Variants in KLHL1 observed in about 807,000 individuals in gnomAD.
KLHL1 encodes the protein kelch like family member 1, also known as kelch-like protein 1.
A neutral mutation model predicts 77.7 loss-of-function variants in KLHL1; 47 were observed. The observed-to-expected ratio is 0.60, with a 90% CI of 0.48 to 0.77. The LOEUF is 0.77. KLHL1 is among the 30% of genes least tolerant of loss of function. KLHL1 has a pLI of 0.00. For synonymous variants in KLHL1, 360 were observed against 325.2 expected (o/e 1.11, Z -1.15); for missense variants, 925 against 910.8 (o/e 1.02, Z -0.20).
rs367941599 is a variant in KLHL1 at position 69,917,371 on chromosome 13, A to G, written c.1014+22669T>C. Among the ~76,000 whole-genome samples the G allele has an allele frequency of 1.7e-4, 26 of 152,258 alleles. No individual in the cohort carries two copies. In the East Asian group the frequency reaches 3.7e-3, roughly 21 times the overall value. ...GAATTTTTAAAAATGTACAAAAGTAAGAAACTCCATATTACATTCACAATG... is the reference window on the plus strand; with the variant it reads ...GAATTTTTAAAAATGTACAAAAGTAGGAAACTCCATATTACATTCACAATG... On this transcript the variant is annotated intron_variant, in intron 4 of 10. Transcript: ENST00000377844.
chr13:69,765,873 C>A (rs1188609347), intron 7 of KLHL1, among the ~76,000 whole-genome samples: 1 of 152,204 alleles, frequency 6.6e-6, no homozygotes, highest in Non-Finnish European at 1.5e-5. Context: ...TTTTGCTCCA[C>A]AGAGGCTCAT....
At chr13:70,077,341 A>G (rs1887289189) in intron 1 of KLHL1, among the ~76,000 whole-genome samples, 1 of 151,936 alleles carries the variant, frequency 6.6e-6, no homozygotes. Context: ...ATACTGCTAA[A>G]TGAAATAAGC....
chr13:69,755,107 A>T (rs898023303), intron 7 of KLHL1, among the ~76,000 whole-genome samples: 1 of 151,998 alleles, frequency 6.6e-6, no homozygotes, highest in Admixed American at 6.6e-5. Context: ...GTGGGAAGTG[A>T]TTGGGTCATG....
intron 7 of KLHL1, among the ~76,000 whole-genome samples, chr13:69,791,143 A>T (rs1876854797): frequency 6.6e-6 from 1 of 152,094 alleles, no homozygotes; most frequent in African/African-American, 2.4e-5. Flanking sequence ...TCAGGATACA[A>T]GTTAAATATA....
chr13:70,062,011 A>G (rs537755049), intron 1 of KLHL1, among the ~76,000 whole-genome samples: 1 of 152,194 alleles, frequency 6.6e-6, no homozygotes, highest in East Asian at 1.9e-4. Context: ...AGCCATATTC[A>G]CCCTGCAGTG....
At chr13:69,832,095 C>A (rs1449446388) in intron 6 of KLHL1, among the ~76,000 whole-genome samples, 2 of 149,686 alleles carry the variant, frequency 1.3e-5, no homozygotes, top group African/African-American at 5.0e-5. Context: ...GACATCCTAG[C>A]CAGAACAATC....
chr13:69,708,333 G>T (rs922424123), intron 9 of KLHL1, among the ~76,000 whole-genome samples: 2 of 151,904 alleles, frequency 1.3e-5, no homozygotes, highest in Non-Finnish European at 2.9e-5. Flanking sequence ...TGCATGGTCC[G>T]CTTTGAGGAA....
intron 4 of KLHL1, among the ~76,000 whole-genome samples, chr13:69,890,004 G>A (rs1881366437): frequency 6.6e-6 from 1 of 151,918 alleles, no homozygotes; most frequent in African/African-American, 2.4e-5. Context: ...TGTTTTATGG[G>A]ATTCTTTCTC....
intron 7 of KLHL1, among the ~76,000 whole-genome samples, chr13:69,747,473 G>T (rs1050046632): frequency 2.0e-5 from 3 of 151,926 alleles, no homozygotes; most frequent in Non-Finnish European, 4.4e-5. Flanking sequence ...AAGATGATAA[G>T]AATTAATATG....
At chr13:69,725,224 GA>G (rs1335694530) in intron 8 of KLHL1, among the ~76,000 whole-genome samples, 1 of 152,144 alleles carries the variant, frequency 6.6e-6, no homozygotes, top group Non-Finnish European at 1.5e-5. Context: ...AATATGTTAT[GA>G]AAAACAGTCA....
In KLHL1 at chr13:70,057,654, T is replaced by C. The variant is rs1350345798; in HGVS notation, c.497+49549A>G. 1.8e-4 allele frequency among the ~76,000 whole-genome samples: 27 copies of C among 149,262 alleles called. 1 individual carries two copies. The highest frequency in any genetic ancestry group is 9.3e-4 in the Admixed American group (14 of 15,024). The stretch of plus-strand genomic sequence containing the variant: ...AGCCGGGTGCGGTGGCGGGCGCCTG[T>C]AGTCCCAGCTACTCGGGAGGCTGAG... On this transcript the variant is annotated intron_variant, in intron 1 of 10. Transcript: ENST00000377844.
At chr13:69,745,014 G>A (rs1874146602) in intron 7 of KLHL1, among the ~76,000 whole-genome samples, 1 of 151,664 alleles carries the variant, frequency 6.6e-6, no homozygotes, top group African/African-American at 2.4e-5. Flanking sequence ...CATTGAAATT[G>A]AGTAAATGCA....
At chr13:69,814,715 T>C (rs1401476541) in intron 6 of KLHL1, among the ~76,000 whole-genome samples, 2 of 152,076 alleles carry the variant, frequency 1.3e-5, no homozygotes, top group African/African-American at 2.4e-5. Context: ...ATGGCTATTA[T>C]TAAAAAGTCA....
chr13:69,909,817 G>A (rs1453474951), intron 4 of KLHL1, among the ~76,000 whole-genome samples: 2 of 152,000 alleles, frequency 1.3e-5, no homozygotes, highest in South Asian at 2.1e-4. Context: ...ACTAATTAAT[G>A]TGTCATTATA....
At position 69,971,282 on chromosome 13, in the gene KLHL1, G is replaced by A. The variant is rs562903157; in HGVS notation, c.680+4338C>T. Among the ~76,000 whole-genome samples the A allele has an allele frequency of 1.7e-3, 255 of 152,122 alleles. 2 individuals are homozygous for A. Among genetic ancestry groups the A allele is most frequent in the Middle Eastern group, 0.014 (4 of 294 alleles). The stretch of plus-strand genomic sequence containing the variant: ...AAACAAGGCCTGGAACATAATCAAT[G>A]CAGTGAGTGTTAACTATCATCATCA... On this transcript the variant is annotated intron_variant, in intron 2 of 10. Transcript: ENST00000377844.
At chr13:69,874,115 T>C (rs902605036) in intron 5 of KLHL1, among the ~76,000 whole-genome samples, 6 of 152,212 alleles carry the variant, frequency 3.9e-5, no homozygotes, top group East Asian at 1.9e-4. Context: ...TGGCAAGATA[T>C]AGTACTCATA....
chr13:70,029,231 G>A (rs894446522), intron 1 of KLHL1, among the ~76,000 whole-genome samples: 1 of 152,100 alleles, frequency 6.6e-6, no homozygotes, highest in Non-Finnish European at 1.5e-5. Context: ...GGATAAGAAT[G>A]TTAGGGTGTT....
intron 1 of KLHL1, among the ~76,000 whole-genome samples, chr13:70,020,652 T>TAA (rs1885765136): frequency 1.3e-5 from 2 of 152,054 alleles, no homozygotes; most frequent in Admixed American, 1.3e-4. Flanking sequence ...AGGGCACAGA[T>TAA]AACCCAGGTA....
chr13:69,800,851 C>A (rs1029738638), intron 6 of KLHL1, among the ~76,000 whole-genome samples: 1 of 152,020 alleles, frequency 6.6e-6, no homozygotes, highest in Non-Finnish European at 1.5e-5. Flanking sequence ...CAATATTTAT[C>A]ATAATATAGA....
Sources: allele counts gnomAD v4.1 joint callset (sites outside exome capture counted in the v4.1 genomes callset), GRCh38; gene constraint gnomAD v4.1.1; transcripts MANE v1.5; gene names NCBI Gene and HGNC (gene_info 2026-07-23, HGNC 2026-07-21).